Variants in ARHGAP29 observed in about 807,000 individuals in gnomAD.
The protein encoded by ARHGAP29 is rho GTPase-activating protein 29.
In ARHGAP29, 43 loss-of-function variants were observed where a neutral mutation model predicts 122.6. The observed-to-expected ratio is 0.35, with a 90% confidence interval of 0.27 to 0.45. The LOEUF is 0.45. ARHGAP29 is among the 20% of genes least tolerant of loss of function. The pLI, the probability that ARHGAP29 is intolerant of heterozygous loss-of-function variation, is 1.00. For missense variants in ARHGAP29, 1,303 were observed against 1,477.2 expected (o/e 0.88, Z 1.93); for synonymous variants, 506 against 497.1 (o/e 1.02, Z -0.24).
rs142874230 is a variant in ARHGAP29 at position 94,227,839 on chromosome 1, A to G, written c.205+3568T>C. 2.6e-5 allele frequency among the ~76,000 whole-genome samples: 4 copies of G among 151,994 alleles called. No individual in the cohort carries two copies. In the East Asian group the frequency reaches 7.7e-4, roughly 29 times the overall value. Reference sequence around the variant, plus strand: ...ACATATATTAATCTACAGTGTTATAATTAAACACAACATGCATATGCATAA... The same window carrying G: ...ACATATATTAATCTACAGTGTTATAGTTAAACACAACATGCATATGCATAA... On this transcript the variant is annotated intron_variant, in intron 2 of 22. Transcript: ENST00000260526.
At chr1:94,217,436 A>T (rs545889998) in intron 3 of ARHGAP29, among the ~76,000 whole-genome samples, 21 of 151,852 alleles carry the variant, frequency 1.4e-4, no homozygotes, top group African/African-American at 3.9e-4. Flanking sequence ...TGGGAGGCAG[A>T]GGCAGGAGAA....
intron 1 of ARHGAP29, 65 bp from the exon 2 acceptor site, chr1:94,231,708 C>T: frequency 4.9e-6 from 6 of 1,222,578 alleles, no homozygotes; most frequent in Non-Finnish European, 4.6e-6. Flanking sequence ...AAAACTAAAT[C>T]AGCCAGGGAA....
intron 3 of ARHGAP29, among the ~76,000 whole-genome samples, chr1:94,215,199 G>C (rs957674490): frequency 1.3e-5 from 2 of 150,178 alleles, no homozygotes; most frequent in African/African-American, 4.9e-5. Flanking sequence ...TGCTTCTGAG[G>C]AACATAAAAG....
chr1:94,174,889 G>A, intron 22 of ARHGAP29, 140 bp from the exon 23 acceptor site: 1 of 966,464 alleles, frequency 1.0e-6, no homozygotes, highest in Middle Eastern at 2.9e-4. Flanking sequence ...TACCTATGTG[G>A]AGGAGTTAAA....
chr1:94,204,083 TA>T, intron 7 of ARHGAP29, 89 bp from the exon 8 acceptor site: 2 of 953,072 alleles, frequency 2.1e-6, no homozygotes, highest in Non-Finnish European at 3.3e-6. Flanking sequence ...ATTCCACAAT[TA>T]AGAAGTGATC....
At chr1:94,243,248 G>A (rs1653670277) in intron 1 of ARHGAP29, among the ~76,000 whole-genome samples, 1 of 151,652 alleles carries the variant, frequency 6.6e-6, no homozygotes, top group African/African-American at 2.4e-5. Context: ...AGCAGAATAT[G>A]CATTCATTTC....
chr1:94,209,183 A>T, intron 4 of ARHGAP29, 71 bp downstream of exon 4: 1 of 1,103,242 alleles, frequency 9.1e-7, no homozygotes, highest in Non-Finnish European at 1.3e-6. Context: ...CATGTATGTT[A>T]CTGGATAATG....
rs6681605 is a variant in ARHGAP29, at chr1:94,204,160, T to A, written c.698-166A>T. 2.7e-3 allele frequency among the ~76,000 whole-genome samples: 405 copies of A among 149,966 alleles called. 2 individuals carry two copies. The highest frequency in any genetic ancestry group is 7.6e-3 in the African/African-American group (308 of 40,608). On this transcript the variant is annotated intron_variant, in intron 7 of 22. Transcript: ENST00000260526. ...TCTTTCTTCCTTTTTTTTTTTTTTT[T>A]AAAAAGAGACATGGTCTCACTACGT...
chr1:94,278,311 CCT>C (rs1268943280), upstream of ARHGAP29, among the ~76,000 whole-genome samples: 2 of 151,774 alleles, frequency 1.3e-5, no homozygotes, highest in Admixed American at 1.3e-4. Flanking sequence ...AGAACAAGAC[CCT>C]GTCTCTAAAA....
At chr1:94,236,368 G>A (rs1319378217) in intron 1 of ARHGAP29, among the ~76,000 whole-genome samples, 1 of 152,120 alleles carries the variant, frequency 6.6e-6, no homozygotes, top group Non-Finnish European at 1.5e-5. Flanking sequence ...ACTACTCTTT[G>A]CCAAAGAGCA....
intron 2 of ARHGAP29, among the ~76,000 whole-genome samples, chr1:94,230,197 C>T (rs1557877048): frequency 6.6e-6 from 1 of 151,618 alleles, no homozygotes; most frequent in African/African-American, 2.4e-5. Flanking sequence ...AGCTATGTTT[C>T]TTTAAATAAA....
Position 94,178,065 on chromosome 1 carries a change from G to A in ARHGAP29, c.2583C>T (p.Thr861=). The A allele has an allele frequency of 6.2e-7, 1 of 1,614,162 alleles. No individual in the cohort carries two copies. The change falls in exon 21 of 23, where the codon ACC becomes ACT. Residue 861 remains threonine (T), a synonymous_variant. Coordinates refer to ENST00000260526, the MANE Select transcript of ARHGAP29 (RefSeq NM_004815.4). ...IRPRPTTAPI[T]ISSLAEYSNQ... ...TTGAATACTCTGCAAGGGAGGAGAT[G>A]GTGATAGGAGCAGTTGTGGGCCTTG...
the ARHGAP29 span, among the ~76,000 whole-genome samples, chr1:94,300,107 C>T: frequency 6.6e-6 from 1 of 152,188 alleles, no homozygotes; most frequent in African/African-American, 2.4e-5. Context: ...TGAAGGCGGG[C>T]CCACCTGTAC....
At chr1:94,288,969 T>C in the ARHGAP29 span, among the ~76,000 whole-genome samples, 1 of 152,222 alleles carries the variant, frequency 6.6e-6, no homozygotes, top group East Asian at 1.9e-4. Context: ...GACTTGGCTA[T>C]GTGGGCTCTT....
chr1:94,202,661 T>C lies in ARHGAP29; in HGVS notation c.1026A>G (p.Ala342=), dbSNP rs2101507642. ...CTTCTGCACGAAACATGGAAGACTT[T>C]GCTTTCTCATATTCATCTTGACGTT... The part of the protein sequence containing the change: ...CMQRQDEYEK[A]KSSMFRAEEE... Residue 342 remains alanine, a synonymous_variant, in exon 11 of 23, where the codon GCA becomes GCG. Coordinates refer to ENST00000260526, the MANE Select transcript of ARHGAP29 (RefSeq NM_004815.4). 1.2e-6 allele frequency: 2 copies of C among 1,614,230 alleles called. No homozygotes were observed. Among genetic ancestry groups the C allele is most frequent in the Admixed American group, 1.7e-5 (1 of 60,026 alleles).
chr1:94,259,526 CTG>C (rs1654479585), intron 1 of ARHGAP29, among the ~76,000 whole-genome samples: 1 of 152,162 alleles, frequency 6.6e-6, no homozygotes, highest in South Asian at 2.1e-4. Context: ...AATCCAGTGA[CTG>C]TTGTCCGTAC....
intron 1 of ARHGAP29, among the ~76,000 whole-genome samples, chr1:94,246,022 G>A (rs529083018): frequency 6.6e-6 from 1 of 152,282 alleles, no homozygotes; most frequent in African/African-American, 2.4e-5. Flanking sequence ...ACATTCTTGG[G>A]CAGCGCTTTT....
At chr1:94,207,723 T>C (rs1557861893) in intron 5 of ARHGAP29, among the ~76,000 whole-genome samples, 2 of 152,232 alleles carry the variant, frequency 1.3e-5, no homozygotes, top group Non-Finnish European at 2.9e-5. Context: ...GGTAATATTG[T>C]AATACATATA....
At chr1:94,187,807 T>C (rs544723803) in intron 15 of ARHGAP29, among the ~76,000 whole-genome samples, 5 of 152,272 alleles carry the variant, frequency 3.3e-5, no homozygotes, top group African/African-American at 9.6e-5. Flanking sequence ...ATTACAAATA[T>C]TGAGCTCAAT....
Sources: gnomAD v4.1 joint callset for allele counts (sites outside exome capture counted in the v4.1 genomes callset) on GRCh38, gnomAD v4.1.1 for gene constraint, MANE v1.5 for transcripts, NCBI Gene and HGNC (gene_info 2026-07-23, HGNC 2026-07-21) for gene names.